Variants in LZTS3 observed in about 807,000 individuals in gnomAD.
The protein encoded by LZTS3 is leucine zipper putative tumor suppressor 3.
LZTS3 carries 16 observed loss-of-function variants against 50.9 expected under a neutral mutation model. That is an observed-to-expected ratio of 0.31 (90% CI 0.21 to 0.48). The LOEUF is 0.48. LZTS3 is among the 20% of genes least tolerant of loss of function. The pLI is 0.99. For missense variants in LZTS3, 816 were observed against 931.0 expected (o/e 0.88, Z 1.61); for synonymous variants, 408 against 410.6 (o/e 0.99, Z 0.08).
In LZTS3 at chr20:3,165,272, C is replaced by T. The variant is rs1047616072; in HGVS notation, c.1324-120G>A. Reference sequence around the variant, plus strand: ...TCCCGGGGCTGCAGGCTCAGCCCCTCATCAGCAGCGACGCACCCGATTCCC... The same window carrying T: ...TCCCGGGGCTGCAGGCTCAGCCCCTTATCAGCAGCGACGCACCCGATTCCC... On this transcript the variant is annotated intron_variant, in intron 4 of 4. Coordinates refer to ENST00000337576, the MANE Select transcript of LZTS3 (RefSeq NM_001365618.1). The surrounding 1 kb of genome is among the most constrained non-coding windows in gnomAD (Gnocchi z 5.0). The T allele has an allele frequency of 4.4e-5, 53 of 1,197,730 alleles. No individual in the cohort carries two copies. Among genetic ancestry groups the T allele is most frequent in the Non-Finnish European group, 5.8e-5 (51 of 884,320 alleles). The allele number at this position is 1,197,730 out of a possible 1,614,324, so 74.2% of individuals were successfully genotyped here.
At chr20:3,170,492 A>AAACAAAC (rs2066889758) in intron 1 of LZTS3, among the ~76,000 whole-genome samples, 1 of 106,324 alleles carries the variant, frequency 9.4e-6, no homozygotes, top group South Asian at 4.5e-4. Flanking sequence ...ACATCAAAAA[A>AAACAAAC]AAAAAAAAAA....
rs2066776387 is a variant in LZTS3 at position 3,164,530 on chromosome 20, GGCGTGCTTGCAC to G, written c.1934_1945del (p.Gly645_Pro649delinsAla). On this transcript the variant is annotated inframe_deletion, in exon 5 of 5. Transcript: ENST00000337576. ...CTTCTCCTCGCCATGCTGGGGAGTG[GGCGTGCTTGCAC>G]CCCCTGCGGCCCCGCGCTCCCGCAG... 6.2e-7 allele frequency: 1 copy of G among 1,600,730 alleles called. No individual in the cohort carries two copies. The highest frequency in any genetic ancestry group is 1.4e-5 in the African/African-American group (1 of 73,682).
chr20:3,167,972 G>A lies in LZTS3; in HGVS notation c.-242-11C>T. The A allele has an allele frequency of 1.6e-6, 1 of 631,114 alleles. No individual in the cohort carries two copies. Among genetic ancestry groups the A allele is most frequent in the Non-Finnish European group, 2.0e-6 (1 of 506,324 alleles). The allele number at this position is 631,114 out of a possible 1,614,324, so 39.1% of individuals were successfully genotyped here. A position where few individuals can be genotyped will look rare whatever the true frequency, so the allele number is the denominator to read the frequency against. ...CTGCAGTTTTCTCCTCTGCGAAATG[G>A]GAGGAATGAAGGACCTACCTTGCGG... is the stretch of plus-strand genomic sequence containing the variant. On this transcript the variant is annotated splice_polypyrimidine_tract_variant and intron_variant, in intron 1 of 4. Coordinates refer to ENST00000337576, the MANE Select transcript of LZTS3 (RefSeq NM_001365618.1).
At position 3,164,920 on chromosome 20, in the gene LZTS3, G is replaced by A; in HGVS notation, c.1556C>T (p.Pro519Leu). 1 of 1,548,606 alleles carries A rather than the reference G, an allele frequency of 6.5e-7. No individual in the cohort carries two copies. The highest frequency in any genetic ancestry group is 8.7e-7 in the Non-Finnish European group (1 of 1,153,400). The change falls in exon 5 of 5, where the codon CCG (proline) becomes CTG (leucine). Residue 519 changes from proline to leucine, a missense_variant. By Grantham distance (98) the Pro-to-Leu change is moderately conservative (BLOSUM62 -3). This residue lies in a region of LZTS3 where 700 missense variants were observed against 769.4 expected (regional missense o/e 0.91). Coordinates refer to ENST00000337576, the MANE Select transcript of LZTS3 (RefSeq NM_001365618.1). ...EGELPAACLK[P>L]ALTPVDPAEP... Reference sequence around the variant, plus strand: ...GGCCGGGTCCACGGGGGTCAGCGCCGGCTTGAGGCAGGCGGCAGGCAGCTC... The same window carrying A: ...GGCCGGGTCCACGGGGGTCAGCGCCAGCTTGAGGCAGGCGGCAGGCAGCTC...
rs1424972787 is a variant in LZTS3, at chr20:3,165,393, C to T, written c.1323+104G>A. 15 of 560,806 alleles carry T rather than the reference C, an allele frequency of 2.7e-5. 1 individual carries two copies. The highest frequency in any genetic ancestry group is 3.6e-5 in the Non-Finnish European group (15 of 418,386). 34.7% of individuals were successfully genotyped at this position (560,806 alleles called of 1,614,324 possible). A position where few individuals can be genotyped will look rare whatever the true frequency, so the allele number is the denominator to read the frequency against. On this transcript the variant is annotated intron_variant, in intron 4 of 4. Coordinates refer to ENST00000337576, the MANE Select transcript of LZTS3 (RefSeq NM_001365618.1). The surrounding 1 kb of genome is among the most constrained non-coding windows in gnomAD (Gnocchi z 5.0). ...TTTTTGTCCCCCCTGCTCCTTTCATCCCCCCCCCCATCCCACCGTTATGAT... is the reference window on the plus strand; with the variant it reads ...TTTTTGTCCCCCCTGCTCCTTTCATTCCCCCCCCCATCCCACCGTTATGAT...
intron 2 of LZTS3, 178 bp downstream of exon 2, chr20:3,167,560 G>T (rs760168619): frequency 3.0e-5 from 30 of 1,016,414 alleles, no homozygotes; most frequent in African/African-American, 3.4e-5. Context: ...AGAATTTTGG[G>T]GTTCTTTATC....
chr20:3,172,458 G>C (rs900035494), intron 1 of LZTS3, among the ~76,000 whole-genome samples: 2 of 152,124 alleles, frequency 1.3e-5, no homozygotes, highest in African/African-American at 2.4e-5. Context: ...ACCCTGACCT[G>C]AGCCCCTCTC....
At chr20:3,170,527 C>T (rs549571577) in intron 1 of LZTS3, among the ~76,000 whole-genome samples, 4 of 139,702 alleles carry the variant, frequency 2.9e-5, no homozygotes, top group Non-Finnish European at 6.1e-5. Context: ...CGGTGGCTTA[C>T]GCTTGTAATC....
In LZTS3 at chr20:3,164,971, T is replaced by C. The variant is rs1600440697; in HGVS notation, c.1505A>G (p.Gln502Arg). 6.4e-6 allele frequency: 10 copies of C among 1,556,626 alleles called. No homozygotes were observed. In the East Asian group the frequency reaches 2.1e-4, roughly 33 times the overall value. Reference protein sequence around the residue: ...LSLRDSFSSKQASLELGEGEL... With the variant: ...LSLRDSFSSKRASLELGEGEL... ...GCCTTCGCCCAGCTCCAGGCTGGCC[T>C]GCTTGCTGCTGAAGGAGTCCCGCAG... Residue 502 changes from glutamine (Q) to arginine (R), a missense_variant, in exon 5 of 5, where the codon CAG (glutamine) becomes CGG (arginine). Transcript: ENST00000337576.
In LZTS3 at chr20:3,165,685, C is replaced by T; in HGVS notation, c.1135G>A (p.Ala379Thr). The change falls in exon 4 of 5, where the codon GCC becomes ACC. Residue 379 changes from alanine to threonine, a missense_variant. Physicochemically the swap from Ala to Thr is moderately conservative, Grantham distance 58 (BLOSUM62 0). Coordinates refer to ENST00000337576, the MANE Select transcript of LZTS3 (RefSeq NM_001365618.1). The surrounding 1 kb of genome is among the most constrained non-coding windows in gnomAD (Gnocchi z 5.0). ...QGCSGKLQQV[A>T]RRAQRAQQGL... ...TGCTGGGCGCGCTGGGCACGTCGGG[C>T]CACCTGCTGTAGCTTCCCGCTGCAG... 2 of 1,580,458 alleles carry T rather than the reference C, an allele frequency of 1.3e-6. No homozygotes were observed. Among genetic ancestry groups the T allele is most frequent in the South Asian group, 1.1e-5 (1 of 88,540 alleles).
intron 1 of LZTS3, among the ~76,000 whole-genome samples, chr20:3,172,606 C>G (rs2066913802): frequency 6.6e-6 from 1 of 152,182 alleles, no homozygotes. Flanking sequence ...GCTGAGGACA[C>G]CCCAGGGAGA....
At chr20:3,169,758 A>G (rs545375379) in intron 1 of LZTS3, among the ~76,000 whole-genome samples, 89 of 151,986 alleles carry the variant, frequency 5.9e-4, no homozygotes, top group African/African-American at 2.1e-3. Flanking sequence ...CATTCCTGTA[A>G]TCCCAGCTAC....
rs374976096 is a variant in LZTS3 at position 3,167,137 on chromosome 20, C to T, written c.27G>A (p.Val9=). The change falls in exon 3 of 5, where the codon GTG becomes GTA. Residue 9 remains valine (V), a synonymous_variant. Transcript: ENST00000337576. MAKLETLP[V]RADPGRDPLL... ...GAGGATCCCGCCCTGGGTCAGCGCG[C>T]ACAGGCAGCGTCTCCAGCTTCGCCA... 5.5e-5 allele frequency: 82 copies of T among 1,492,310 alleles called. No homozygotes were observed. Among genetic ancestry groups the T allele is most frequent in the East Asian group, 5.3e-4 (23 of 43,112 alleles). 92.4% of individuals were successfully genotyped at this position (1,492,310 alleles called of 1,614,324 possible). A position where few individuals can be genotyped will look rare whatever the true frequency, so the allele number is the denominator to read the frequency against.
rs1454745680 is a variant in LZTS3 at position 3,165,341 on chromosome 20, C to T, written c.1323+156G>A. ...ACATGTCTCACCCAGCGGATGGCCT[C>T]GGGTCCTCACAGACACTCCCAATTG... is the stretch of plus-strand genomic sequence containing the variant. On this transcript the variant is annotated intron_variant, in intron 4 of 4. Coordinates refer to ENST00000337576, the MANE Select transcript of LZTS3 (RefSeq NM_001365618.1). This position sits in a 1 kb window ranked among gnomAD's most constrained non-coding sequence, Gnocchi z 5.0. 6.6e-6 allele frequency among the ~76,000 whole-genome samples: 1 copy of T among 151,904 alleles called. No individual in the cohort carries two copies. Among genetic ancestry groups the T allele is most frequent in the Non-Finnish European group, 1.5e-5 (1 of 68,004 alleles).
In LZTS3 at chr20:3,167,269, C is replaced by T. The variant is rs2066843866; in HGVS notation, c.-18-88G>A. 3.5e-6 allele frequency: 5 copies of T among 1,410,008 alleles called. No individual in the cohort carries two copies. The African/African-American group carries it at 7.2e-5, about 20-fold the overall frequency. The allele number at this position is 1,410,008 out of a possible 1,614,324, so 87.3% of individuals were successfully genotyped here. A position where few individuals can be genotyped will look rare whatever the true frequency, so the allele number is the denominator to read the frequency against. ...CCAAGTCAACCCGGCACCGCTCTGC[C>T]CCTCAGTGTCCCCTTCCCTACAATG... On this transcript the variant is annotated intron_variant, in intron 2 of 4. Transcript: ENST00000337576.
rs1555767247 is a variant in LZTS3 at position 3,165,391 on chromosome 20, A to AC, written c.1323+105_1323+106insG. 3.9e-3 allele frequency: 3,610 copies of AC among 935,840 alleles called. 106 individuals are homozygous for AC. The African/African-American group carries it at 0.065, about 17-fold the overall frequency. 58.0% of individuals were successfully genotyped at this position (935,840 alleles called of 1,614,324 possible). Reference sequence around the variant, plus strand: ...GATTTTTGTCCCCCCTGCTCCTTTCATCCCCCCCCCCATCCCACCGTTATG... The same window carrying AC: ...GATTTTTGTCCCCCCTGCTCCTTTCACTCCCCCCCCCCATCCCACCGTTATG... On this transcript the variant is annotated intron_variant, in intron 4 of 4. Coordinates refer to ENST00000337576, the MANE Select transcript of LZTS3 (RefSeq NM_001365618.1). The surrounding 1 kb of genome is among the most constrained non-coding windows in gnomAD (Gnocchi z 5.0).
chr20:3,168,565 G>A (rs956512308), intron 1 of LZTS3: 1 of 152,344 alleles, frequency 6.6e-6, no homozygotes, highest in Non-Finnish European at 1.5e-5. Context: ...ACAAGCGCAG[G>A]GGGAGCCAGG....
Position 3,171,568 on chromosome 20 carries a change from G to A in LZTS3, c.-243+1887C>T, listed in dbSNP as rs1411160893. On this transcript the variant is annotated intron_variant, in intron 1 of 4. Transcript: ENST00000337576. ...TAATCCCAGCTACTCGGGAGGCTGAGGCATGAGAATCGCTTGAACCCAGGA... is the reference window on the plus strand; with the variant it reads ...TAATCCCAGCTACTCGGGAGGCTGAAGCATGAGAATCGCTTGAACCCAGGA... Among the ~76,000 whole-genome samples, 7 of 151,700 alleles carry A rather than the reference G, an allele frequency of 4.6e-5. No individual in the cohort carries two copies. In the South Asian group the frequency reaches 1.0e-3, roughly 23 times the overall value.
Position 3,167,141 on chromosome 20 carries a change from G to T in LZTS3, c.23C>A (p.Pro8His). ...ATCCCGCCCTGGGTCAGCGCGCACA[G>T]GCAGCGTCTCCAGCTTCGCCATGAC... MAKLETL[P>H]VRADPGRDPL... Residue 8 changes from proline (P) to histidine (H), a missense_variant, in exon 3 of 5, where the codon CCT (proline) becomes CAT (histidine). Physicochemically the swap from Pro to His is moderately conservative, Grantham distance 77. This residue lies in a region of LZTS3 where 700 missense variants were observed against 769.4 expected (regional missense o/e 0.91). Transcript: ENST00000337576. The T allele has an allele frequency of 6.7e-7, 1 of 1,488,528 alleles. No homozygotes were observed. Among genetic ancestry groups the T allele is most frequent in the Non-Finnish European group, 8.9e-7 (1 of 1,124,776 alleles). 92.2% of individuals were successfully genotyped at this position (1,488,528 alleles called of 1,614,324 possible). A position where few individuals can be genotyped will look rare whatever the true frequency, so the allele number is the denominator to read the frequency against.
Sources: allele counts gnomAD v4.1 joint callset (sites outside exome capture counted in the v4.1 genomes callset), GRCh38; gene constraint gnomAD v4.1.1; regional missense constraint gnomAD v4.1.1; non-coding constraint Gnocchi (gnomAD v3.1); transcripts MANE v1.5; gene names NCBI Gene and HGNC (gene_info 2026-07-23, HGNC 2026-07-21).